The following RFPL4B variants were observed in gnomAD, a reference collection of about 807,000 sequenced individuals.
RFPL4B encodes ret finger protein-like 4B.
For missense variants in RFPL4B, 314 were observed against 327.7 expected (o/e 0.96, Z 0.32); for synonymous variants, 118 against 126.3 (o/e 0.93, Z 0.44).
Position 112,350,464 on chromosome 6 carries a change from A to G in RFPL4B, c.756A>G (p.Glu252=), listed in dbSNP as rs1323443000. ...TCTTCTGTCTTGAGCTCTTGGGAGA[A>G]GGGGAGAGTGGCAACGTCCTGACCA... The part of the protein sequence containing the change: ...CPFFCLELLG[E]GESGNVLTIC... Residue 252 remains glutamate, a synonymous_variant, in exon 3 of 3, where the codon GAA becomes GAG. Transcript: ENST00000441065. The G allele has an allele frequency of 2.5e-6, 4 of 1,604,424 alleles. No homozygotes were observed. In the East Asian group the frequency reaches 6.7e-5, roughly 27 times the overall value.
At position 112,350,190 on chromosome 6, in the gene RFPL4B, G is replaced by A; in HGVS notation, c.482G>A (p.Gly161Asp). The change falls in exon 3 of 3, where the codon GGC (glycine) becomes GAC (aspartate). Residue 161 changes from glycine (G) to aspartate (D), a missense_variant. By Grantham distance (94) the Gly-to-Asp change is moderately conservative. Transcript: ENST00000441065. Reference sequence around the variant, plus strand: ...GGAGAGGTGAAGTCATGGTCCCTGGGCGTCTGCAAGGAGCCGGCTGACAGA... The same window carrying A: ...GGAGAGGTGAAGTCATGGTCCCTGGACGTCTGCAAGGAGCCGGCTGACAGA... ...EVGEVKSWSL[G>D]VCKEPADRKS... 2 of 1,614,172 alleles carry A rather than the reference G, an allele frequency of 1.2e-6. No homozygotes were observed. Among genetic ancestry groups the A allele is most frequent in the Non-Finnish European group, 1.7e-6 (2 of 1,180,046 alleles).
Position 112,350,433 on chromosome 6 carries a change from G to A in RFPL4B, c.725G>A (p.Cys242Tyr). 6.2e-7 allele frequency: 1 copy of A among 1,613,222 alleles called. No individual in the cohort carries two copies. Residue 242 changes from cysteine to tyrosine, a missense_variant, in exon 3 of 3, where the codon TGT becomes TAT. Cys to Tyr is a radical substitution (Grantham distance 194). Coordinates refer to ENST00000441065, the MANE Select transcript of RFPL4B (RefSeq NM_001013734.3). Reference protein sequence around the residue: ...HDGFFSLELLCPFFCLELLGE... With the variant: ...HDGFFSLELLYPFFCLELLGE... The stretch of plus-strand genomic sequence containing the variant: ...GGTTTCTTCTCTTTGGAGCTTTTGT[G>A]TCCATTCTTCTGTCTTGAGCTCTTG...
At chr6:112,348,861 C>T (rs1014594848) in intron 1 of RFPL4B, among the ~76,000 whole-genome samples, 5 of 152,190 alleles carry the variant, frequency 3.3e-5, no homozygotes, top group African/African-American at 1.2e-4. Flanking sequence ...AGGGCATCTT[C>T]CTTGTCTGGA....
chr6:112,347,889 G>A (rs915679366), intron 1 of RFPL4B, among the ~76,000 whole-genome samples: 1 of 151,950 alleles, frequency 6.6e-6, no homozygotes, highest in South Asian at 2.1e-4. Context: ...CAGGAGAATT[G>A]CTTGAACCCG....
chr6:112,350,349 A>T lies in RFPL4B; in HGVS notation c.641A>T (p.Asp214Val), dbSNP rs1173257704. 5 of 1,614,214 alleles carry T rather than the reference A, an allele frequency of 3.1e-6. No individual in the cohort carries two copies. The highest frequency in any genetic ancestry group is 4.5e-5 in the East Asian group (2 of 44,880). ...CGTGTGGGAATTTTCCTGGATGCTG[A>T]CTTAGAAGAAATCCAGTTTTTTGAT... ...LRRVGIFLDA[D>V]LEEIQFFDVD... The change falls in exon 3 of 3, where the codon GAC (aspartate) becomes GTC (valine). Residue 214 changes from aspartate to valine, a missense_variant. By Grantham distance (152) the Asp-to-Val change is radical (BLOSUM62 -3). Coordinates refer to ENST00000441065, the MANE Select transcript of RFPL4B (RefSeq NM_001013734.3).
intron 1 of RFPL4B, among the ~76,000 whole-genome samples, chr6:112,347,730 C>T (rs1031819004): frequency 6.6e-6 from 1 of 152,242 alleles, no homozygotes; most frequent in Non-Finnish European, 1.5e-5. Flanking sequence ...ATGGTTCGCG[C>T]CTGCGCTTTG....
rs1050243674 is a variant in RFPL4B, at chr6:112,349,976, C to T, written c.268C>T (p.Leu90Phe). Residue 90 changes from leucine (L) to phenylalanine (F), a missense_variant, in exon 3 of 3, where the codon CTC (leucine) becomes TTC (phenylalanine). Physicochemically the swap from Leu to Phe is conservative, Grantham distance 22 (BLOSUM62 0). Coordinates refer to ENST00000441065, the MANE Select transcript of RFPL4B (RefSeq NM_001013734.3). ...LEQSLHVREE[L>F]RHFREDVTLD... Reference sequence around the variant, plus strand: ...GCAAAGTCTGCACGTGAGGGAGGAGCTCCGGCATTTTCGGGAGGATGTGAC... The same window carrying T: ...GCAAAGTCTGCACGTGAGGGAGGAGTTCCGGCATTTTCGGGAGGATGTGAC... 6.2e-7 allele frequency: 1 copy of T among 1,614,218 alleles called. No individual in the cohort carries two copies. The highest frequency in any genetic ancestry group is 2.2e-5 in the East Asian group (1 of 44,886).
Position 112,350,029 on chromosome 6 carries a change from CCTT to C in RFPL4B, c.322_324del (p.Leu108del). 6.2e-7 allele frequency: 1 copy of C among 1,614,202 alleles called. No individual in the cohort carries two copies. Among genetic ancestry groups the C allele is most frequent in the African/African-American group, 1.3e-5 (1 of 75,050 alleles). ...TGGATGCAGCCACTGCCAGCTCCCT[CCTT>C]GTCTTCTCCAATGATCTAAGAAGCG... On this transcript the variant is annotated inframe_deletion, in exon 3 of 3. Coordinates refer to ENST00000441065, the MANE Select transcript of RFPL4B (RefSeq NM_001013734.3).
chr6:112,348,063 A>G (rs1168993533), intron 1 of RFPL4B, among the ~76,000 whole-genome samples: 1 of 152,102 alleles, frequency 6.6e-6, no homozygotes, highest in African/African-American at 2.4e-5. Flanking sequence ...GAATCATTTT[A>G]TTATTGTTAG....
chr6:112,349,944 G>T lies in RFPL4B; in HGVS notation c.236G>T (p.Arg79Leu). 1.2e-6 allele frequency: 2 copies of T among 1,614,172 alleles called. No homozygotes were observed. Among genetic ancestry groups the T allele is most frequent in the South Asian group, 1.1e-5 (1 of 91,076 alleles). Residue 79 changes from arginine to leucine, a missense_variant, in exon 3 of 3, where the codon CGA (arginine) becomes CTA (leucine). By Grantham distance (102) the Arg-to-Leu change is moderately radical. Transcript: ENST00000441065. Reference protein sequence around the residue: ...LTLMTKQHNSRLEQSLHVREE... With the variant: ...LTLMTKQHNSLLEQSLHVREE... ...CTTATGACCAAGCAGCACAATAGCC[G>T]ACTTGAGCAAAGTCTGCACGTGAGG...
chr6:112,348,413 G>T (rs1039636055), intron 1 of RFPL4B, among the ~76,000 whole-genome samples: 8 of 152,200 alleles, frequency 5.3e-5, no homozygotes, highest in Non-Finnish European at 1.2e-4. Context: ...GAGCACAGAA[G>T]GGGCTCAATA....
At position 112,350,326 on chromosome 6, in the gene RFPL4B, T is replaced by C. The variant is rs1253255056; in HGVS notation, c.618T>C (p.Arg206=). ...ERIPASPRLR[R]VGIFLDADLE... ...TTCCTGCAAGCCCTCGCCTTCGCCG[T>C]GTGGGAATTTTCCTGGATGCTGACT... Residue 206 remains arginine (R), a synonymous_variant, in exon 3 of 3, where the codon CGT becomes CGC. Transcript: ENST00000441065. The C allele has an allele frequency of 1.9e-6, 3 of 1,614,244 alleles. No individual in the cohort carries two copies. The highest frequency in any genetic ancestry group is 2.5e-6 in the Non-Finnish European group (3 of 1,180,044).
Position 112,350,702 on chromosome 6 carries a change from G to C in RFPL4B, c.*202G>C. ...TGGAATTTGTAGCTAGGTAACTGGG[G>C]TCTTTAGGGATGTTATTAAGTACTG... On this transcript the variant is annotated 3_prime_UTR_variant, in exon 3 of 3. Transcript: ENST00000441065. The C allele has an allele frequency of 1.9e-6, 1 of 532,118 alleles. No homozygotes were observed. The highest frequency in any genetic ancestry group is 3.4e-6 in the Non-Finnish European group (1 of 295,588). The allele number at this position is 532,118 out of a possible 1,614,324, so 33.0% of individuals were successfully genotyped here.
At position 112,347,399 on chromosome 6, in the gene RFPL4B, C is replaced by CA. The variant is rs1269951698; in HGVS notation, c.-241dup. The CA allele has an allele frequency of 1.3e-5, 2 of 152,216 alleles. No individual in the cohort carries two copies. The highest frequency in any genetic ancestry group is 4.8e-5 in the African/African-American group (2 of 41,446). 9.4% of individuals were successfully genotyped at this position (152,216 alleles called of 1,614,324 possible). On this transcript the variant is annotated 5_prime_UTR_variant, in exon 1 of 3. Coordinates refer to ENST00000441065, the MANE Select transcript of RFPL4B (RefSeq NM_001013734.3). ...CTTTTAGAATTCTGCTGGAAGTCTC[C>CA]AAGTCAAGGTAAGTTATACCTTCTG...
chr6:112,347,998 C>T (rs1310647320), intron 1 of RFPL4B, among the ~76,000 whole-genome samples: 2 of 151,986 alleles, frequency 1.3e-5, no homozygotes, highest in Admixed American at 1.3e-4. Context: ...GACTTCACTT[C>T]GGGTTTTCAC....
chr6:112,349,634 C>T lies in RFPL4B; in HGVS notation c.-75C>T. 1 of 1,222,206 alleles carries T rather than the reference C, an allele frequency of 8.2e-7. No individual in the cohort carries two copies. Among genetic ancestry groups the T allele is most frequent in the Non-Finnish European group, 1.2e-6 (1 of 849,120 alleles). 75.7% of individuals were successfully genotyped at this position (1,222,206 alleles called of 1,614,324 possible). A position where few individuals can be genotyped will look rare whatever the true frequency, so the allele number is the denominator to read the frequency against. On this transcript the variant is annotated 5_prime_UTR_variant, in exon 3 of 3. Transcript: ENST00000441065. ...TGAAGAGTGGATTGTGTACTGAGGGCTCCCAAGTGCTTCCAGAAGCCAATA... is the reference window on the plus strand; with the variant it reads ...TGAAGAGTGGATTGTGTACTGAGGGTTCCCAAGTGCTTCCAGAAGCCAATA...
chr6:112,350,607 G>A lies in RFPL4B; in HGVS notation c.*107G>A. 1.2e-6 allele frequency: 1 copy of A among 866,106 alleles called. No individual in the cohort carries two copies. The highest frequency in any genetic ancestry group is 2.4e-5 in the South Asian group (1 of 41,036). The allele number at this position is 866,106 out of a possible 1,614,324, so 53.7% of individuals were successfully genotyped here. The stretch of plus-strand genomic sequence containing the variant: ...ATAATGTGCTATAGTGCAAAGACTT[G>A]GTAAATTTTTAAAGTAGATTTTGTA... On this transcript the variant is annotated 3_prime_UTR_variant, in exon 3 of 3. Coordinates refer to ENST00000441065, the MANE Select transcript of RFPL4B (RefSeq NM_001013734.3).
chr6:112,350,520 A>G lies in RFPL4B; in HGVS notation c.*20A>G, dbSNP rs1474583201. The stretch of plus-strand genomic sequence containing the variant: ...CCATGAGAAAGTCAGCCCTTCCTAG[A>G]AGCTTTCTGAGAGGTGAAAGAGAAT... On this transcript the variant is annotated 3_prime_UTR_variant, in exon 3 of 3. Coordinates refer to ENST00000441065, the MANE Select transcript of RFPL4B (RefSeq NM_001013734.3). 2 of 1,543,510 alleles carry G rather than the reference A, an allele frequency of 1.3e-6. No homozygotes were observed. The highest frequency in any genetic ancestry group is 1.7e-6 in the Non-Finnish European group (2 of 1,146,174).
rs1435258955 is a variant in RFPL4B, at chr6:112,349,762, C to G, written c.54C>G (p.Phe18Leu). 3 of 1,613,978 alleles carry G rather than the reference C, an allele frequency of 1.9e-6. No individual in the cohort carries two copies. The highest frequency in any genetic ancestry group is 3.3e-5 in the Admixed American group (2 of 59,998). The change falls in exon 3 of 3, where the codon TTC (phenylalanine) becomes TTG (leucine). Residue 18 changes from phenylalanine (F) to leucine (L), a missense_variant. Phe to Leu is a conservative substitution (Grantham distance 22). Coordinates refer to ENST00000441065, the MANE Select transcript of RFPL4B (RefSeq NM_001013734.3). ...ELSCPVCLDFFSCSISLSCTH... is the reference protein window; with the variant it reads ...ELSCPVCLDFLSCSISLSCTH... ...CCTGTCCAGTTTGCCTGGATTTTTTCTCCTGTTCCATTTCTCTCTCTTGTA... is the reference window on the plus strand; with the variant it reads ...CCTGTCCAGTTTGCCTGGATTTTTTGTCCTGTTCCATTTCTCTCTCTTGTA...
Sources: allele counts gnomAD v4.1 joint callset (sites outside exome capture counted in the v4.1 genomes callset), GRCh38; gene constraint gnomAD v4.1.1; transcripts MANE v1.5; gene names NCBI Gene and HGNC (gene_info 2026-07-23, HGNC 2026-07-21).